The following TNR variants were observed in gnomAD, a reference collection of about 807,000 sequenced individuals.
TNR encodes tenascin R.
Under a neutral mutation model 150.4 loss-of-function variants are expected in TNR, and 45 were observed. The ratio of observed to expected loss-of-function variants is 0.30; its 90% CI spans 0.24 to 0.38. The LOEUF (loss-of-function observed/expected upper bound fraction) is 0.38. TNR is among the 10% of genes least tolerant of loss of function. TNR has a pLI of 1.00. For synonymous variants in TNR, 687 were observed against 678.4 expected, an observed-to-expected ratio of 1.01 and a Z score of -0.20; for missense variants, 1,544 against 1,759.1, an observed-to-expected ratio of 0.88 and a Z score of 2.19.
chr1:175,641,824 A>G (rs1294002152), intron 1 of TNR, among the ~76,000 whole-genome samples: 1 of 152,226 alleles, frequency 6.6e-6, no homozygotes, highest in Non-Finnish European at 1.5e-5. Flanking sequence ...AAAGCCTCAT[A>G]GCGCAGGTTA....
chr1:175,680,537 C>T (rs1025493961), intron 1 of TNR, among the ~76,000 whole-genome samples: 17 of 152,068 alleles, frequency 1.1e-4, no homozygotes, highest in African/African-American at 3.6e-4. Flanking sequence ...TGTGTGCCAT[C>T]GGAGTAGAGA....
chr1:175,529,912 C>T lies in TNR; in HGVS notation c.-164-1543G>A, dbSNP rs573648680. On this transcript the variant is annotated intron_variant, in intron 1 of 22. Transcript: ENST00000367674. ...CTTCACTTGAGTTTATTAAAAACAC[C>T]GGGTACTTTTGACATGCTATTTTAT... 8.7e-4 allele frequency among the ~76,000 whole-genome samples: 133 copies of T among 152,166 alleles called. 1 individual carries two copies. The highest frequency in any genetic ancestry group is 3.4e-3 in the Middle Eastern group (1 of 294).
intron 2 of TNR, among the ~76,000 whole-genome samples, chr1:175,411,139 A>G (rs1225763892): frequency 6.6e-6 from 1 of 152,224 alleles, no homozygotes. Flanking sequence ...GAGAATCTAC[A>G]AGGAAACAGA....
intron 1 of TNR, among the ~76,000 whole-genome samples, chr1:175,696,217 GTTTTTTTTTTTTTT>G (rs5778870): frequency 0.03 from 1,217 of 40,470 alleles, 28 homozygotes; most frequent in African/African-American, 0.071. Context: ...CCTTCCTGTA[GTTTTTTTTTTTTTT>G]TTTTTTTTTT....
intron 1 of TNR, among the ~76,000 whole-genome samples, chr1:175,670,218 C>T (rs146875961): frequency 1.3e-3 from 201 of 152,246 alleles, no homozygotes; most frequent in African/African-American, 4.5e-3. Flanking sequence ...TCCAGGGGCA[C>T]GAGGCTGGTT....
intron 1 of TNR, among the ~76,000 whole-genome samples, chr1:175,709,298 CACACACACAT>C (rs1407816414): frequency 0.015 from 2,097 of 144,106 alleles, 45 homozygotes; most frequent in African/African-American, 0.054. Flanking sequence ...TGCTTTCACA[CACACACACAT>C]ACACACACAC....
intron 1 of TNR, chr1:175,538,642 T>C (rs971830666): frequency 6.6e-6 from 1 of 152,182 alleles, no homozygotes; most frequent in Non-Finnish European, 1.5e-5. Context: ...CTGTCCAGGG[T>C]GCTGGAGGTG....
intron 1 of TNR, among the ~76,000 whole-genome samples, chr1:175,667,547 C>G (rs1665566127): frequency 6.6e-6 from 1 of 152,168 alleles, no homozygotes; most frequent in African/African-American, 2.4e-5. Context: ...TGAGGAATTT[C>G]CAGTCTGATT....
intron 1 of TNR, among the ~76,000 whole-genome samples, chr1:175,649,499 C>T (rs1003093611): frequency 6.6e-6 from 1 of 152,130 alleles, no homozygotes; most frequent in Non-Finnish European, 1.5e-5. Flanking sequence ...TCCTTGGGGG[C>T]AGACAGCATC....
At chr1:175,725,217 G>T (rs1667446450) in intron 1 of TNR, among the ~76,000 whole-genome samples, 1 of 152,140 alleles carries the variant, frequency 6.6e-6, no homozygotes, top group Admixed American at 6.5e-5. Context: ...TATACAGAAG[G>T]CAAGCTCTCA....
At chr1:175,722,845 G>T (rs1487567314) in intron 1 of TNR, among the ~76,000 whole-genome samples, 1 of 151,690 alleles carries the variant, frequency 6.6e-6, no homozygotes. Flanking sequence ...AGGCTGGAGT[G>T]CAGTGGCACA....
chr1:175,531,248 G>A (rs1312345195), intron 1 of TNR, among the ~76,000 whole-genome samples: 2 of 152,168 alleles, frequency 1.3e-5, no homozygotes, highest in Non-Finnish European at 2.9e-5. Flanking sequence ...GAAGCTCATC[G>A]TGAACCCCAT....
At chr1:175,567,405 C>T (rs1661687060) in intron 1 of TNR, among the ~76,000 whole-genome samples, 2 of 152,138 alleles carry the variant, frequency 1.3e-5, no homozygotes, top group South Asian at 4.1e-4. Context: ...TTCAGGGCTG[C>T]CTCCCAGGAG....
intron 1 of TNR, among the ~76,000 whole-genome samples, chr1:175,666,040 A>G (rs1009781865): frequency 1.3e-5 from 2 of 152,254 alleles, no homozygotes; most frequent in African/African-American, 4.8e-5. Flanking sequence ...TAAGGGAAAG[A>G]AAAACTTAGT....
chr1:175,405,198 G>T (rs1051304107), intron 3 of TNR, among the ~76,000 whole-genome samples: 6 of 152,228 alleles, frequency 3.9e-5, no homozygotes, highest in African/African-American at 1.4e-4. Flanking sequence ...GCACAAAGGG[G>T]TACAGATACA....
chr1:175,387,358 C>T (rs1019751029), intron 7 of TNR, among the ~76,000 whole-genome samples: 1 of 152,210 alleles, frequency 6.6e-6, no homozygotes, highest in Non-Finnish European at 1.5e-5. Flanking sequence ...GGATTTGGAA[C>T]TAAAACCAGA....
intron 1 of TNR, among the ~76,000 whole-genome samples, chr1:175,738,758 G>A (rs759403813): frequency 1.3e-5 from 2 of 152,276 alleles, no homozygotes; most frequent in South Asian, 2.1e-4. Context: ...TCAAAGTCAC[G>A]TTTCCAAGGC....
intron 1 of TNR, among the ~76,000 whole-genome samples, chr1:175,572,552 A>G (rs1661921181): frequency 6.6e-6 from 1 of 152,126 alleles, no homozygotes. Context: ...CAGTCAGTCA[A>G]TCATAATGGG....
intron 9 of TNR, among the ~76,000 whole-genome samples, chr1:175,374,327 C>T (rs1217956911): frequency 6.6e-6 from 1 of 152,202 alleles, no homozygotes; most frequent in African/African-American, 2.4e-5. Flanking sequence ...ACTCCCAAAG[C>T]ATGATCAGGA....
Sources: gnomAD v4.1 joint callset for allele counts (sites outside exome capture counted in the v4.1 genomes callset) on GRCh38, gnomAD v4.1.1 for gene constraint, MANE v1.5 for transcripts, NCBI Gene and HGNC (gene_info 2026-07-23, HGNC 2026-07-21) for gene names.